The following AFG2A variants were observed in gnomAD, a reference collection of about 807,000 sequenced individuals.
AFG2A encodes the protein ATPase family gene 2 protein homolog A.
the AFG2A span, among the ~76,000 whole-genome samples, chr4:123,218,363 T>C: frequency 6.6e-6 from 1 of 152,196 alleles, no homozygotes; most frequent in Non-Finnish European, 1.5e-5. Flanking sequence ...AGGTTTTTGT[T>C]AGAGTGTTTT....
the AFG2A span, among the ~76,000 whole-genome samples, chr4:123,276,164 T>C: frequency 6.6e-6 from 1 of 152,220 alleles, no homozygotes; most frequent in South Asian, 2.1e-4. Flanking sequence ...TTTTTGCTTT[T>C]TAATAATAGC....
At chr4:123,313,758 G>A in the AFG2A span, 2 of 778,188 alleles carry the variant, frequency 2.6e-6, no homozygotes, top group East Asian at 6.1e-5. Flanking sequence ...ACTAATTCTT[G>A]CAGATAAATT....
the AFG2A span, among the ~76,000 whole-genome samples, chr4:123,243,979 G>A: frequency 3.3e-4 from 50 of 152,014 alleles, no homozygotes; most frequent in Non-Finnish European, 5.1e-4. Flanking sequence ...CCATGATCGC[G>A]CTACTGCAGT....
the AFG2A span, among the ~76,000 whole-genome samples, chr4:123,150,564 G>T: frequency 6.6e-6 from 1 of 152,108 alleles, no homozygotes; most frequent in East Asian, 1.9e-4. Flanking sequence ...TACAAGGGAT[G>T]TGAAGGACCT....
At chr4:123,081,576 A>G in the AFG2A span, among the ~76,000 whole-genome samples, 4 of 152,212 alleles carry the variant, frequency 2.6e-5, no homozygotes, top group African/African-American at 4.8e-5. Flanking sequence ...AAGACTGTGA[A>G]TAAAGCTTCT....
the AFG2A span, among the ~76,000 whole-genome samples, chr4:123,265,012 TG>T: frequency 6.6e-6 from 1 of 152,126 alleles, no homozygotes; most frequent in Non-Finnish European, 1.5e-5. Flanking sequence ...TATTTTCTTC[TG>T]TGGCCAAAAG....
chr4:123,002,095 AAGTC>A, the AFG2A span, among the ~76,000 whole-genome samples: 1 of 151,658 alleles, frequency 6.6e-6, no homozygotes, highest in Non-Finnish European at 1.5e-5. Flanking sequence ...TGTTGGTTTA[AAGTC>A]TGTTTTATCA....
chr4:123,138,858 T>C, the AFG2A span, among the ~76,000 whole-genome samples: 5 of 152,044 alleles, frequency 3.3e-5, no homozygotes, highest in African/African-American at 1.2e-4. Context: ...TTTCTTAGGA[T>C]ACCAGAGTTG....
the AFG2A span, among the ~76,000 whole-genome samples, chr4:123,007,639 C>CAAAT: frequency 4.2e-5 from 1 of 24,060 alleles, no homozygotes; most frequent in Non-Finnish European, 1.1e-4. Flanking sequence ...TACACACACA[C>CAAAT]ACAACACACA....
chr4:122,992,235 T>C, the AFG2A span, among the ~76,000 whole-genome samples: 2 of 152,246 alleles, frequency 1.3e-5, no homozygotes, highest in South Asian at 2.1e-4. Context: ...TTTTTTTCTT[T>C]ATTTTCCTGT....
chr4:123,146,787 C>G, the AFG2A span, among the ~76,000 whole-genome samples: 1 of 75,962 alleles, frequency 1.3e-5, no homozygotes, highest in African/African-American at 2.8e-5. Flanking sequence ...TGCCAAACCT[C>G]TCATTTTTTT....
chr4:123,258,261 G>T, the AFG2A span, among the ~76,000 whole-genome samples: 1 of 152,092 alleles, frequency 6.6e-6, no homozygotes, highest in Admixed American at 6.5e-5. Flanking sequence ...GTTTTGTTTT[G>T]TTTTGGTCTG....
At chr4:123,144,323 G>A in the AFG2A span, among the ~76,000 whole-genome samples, 2 of 152,070 alleles carry the variant, frequency 1.3e-5, no homozygotes, top group South Asian at 2.1e-4. Context: ...GGCTTGCACA[G>A]CAAAGTTCAA....
At chr4:123,020,169 T>C in the AFG2A span, among the ~76,000 whole-genome samples, 4 of 151,996 alleles carry the variant, frequency 2.6e-5, no homozygotes, top group African/African-American at 9.7e-5. Context: ...CCTCATGCTT[T>C]TATATATACA....
the AFG2A span, among the ~76,000 whole-genome samples, chr4:123,196,959 T>C: frequency 2.6e-5 from 4 of 152,240 alleles, no homozygotes; most frequent in Admixed American, 2.6e-4. Context: ...AGTTCAAAGA[T>C]GTTACCAGTA....
the AFG2A span, among the ~76,000 whole-genome samples, chr4:123,214,728 A>G: frequency 6.6e-6 from 1 of 152,100 alleles, no homozygotes; most frequent in Non-Finnish European, 1.5e-5. Flanking sequence ...CTCAGCCTTA[A>G]GACGATAAGG....
At chr4:123,301,811 TCTG>T in the AFG2A span, among the ~76,000 whole-genome samples, 2 of 152,198 alleles carry the variant, frequency 1.3e-5, no homozygotes, top group African/African-American at 2.4e-5. Flanking sequence ...GCCAAGCAAA[TCTG>T]CTGATTAGCT....
the AFG2A span, among the ~76,000 whole-genome samples, chr4:123,304,559 A>G: frequency 8.5e-5 from 13 of 152,160 alleles, no homozygotes; most frequent in Non-Finnish European, 1.8e-4. Context: ...CAGCCCAATT[A>G]AGCTCAACAG....
chr4:122,964,856 T>C, the AFG2A span, among the ~76,000 whole-genome samples: 1 of 152,220 alleles, frequency 6.6e-6, no homozygotes, highest in Non-Finnish European at 1.5e-5. Context: ...AAAATTTATT[T>C]ATTAATGGGC....
Sources: allele counts gnomAD v4.1 joint callset (sites outside exome capture counted in the v4.1 genomes callset), GRCh38; gene constraint gnomAD v4.1.1; transcripts MANE v1.5; gene names NCBI Gene and HGNC (gene_info 2026-07-23, HGNC 2026-07-21).